The following ARID1B variants were observed in gnomAD, a reference collection of about 807,000 sequenced individuals.
ARID1B encodes AT-rich interaction domain 1B, also known as AT-rich interactive domain-containing protein 1B.
ARID1B carries 30 observed loss-of-function variants against 212.3 expected under a neutral mutation model. The ratio of observed to expected loss-of-function variants is 0.14; its 90% CI spans 0.11 to 0.19. The LOEUF (loss-of-function observed/expected upper bound fraction) is 0.19, where lower values mean the gene tolerates loss of function less well. Among genes scored for constraint, ARID1B ranks in the 10% least tolerant of loss-of-function variants. The pLI, the probability that ARID1B is intolerant of heterozygous loss-of-function variation, is 1.00. For missense variants in ARID1B, 2,891 were observed against 3,204.0 expected (o/e 0.90, Z 2.36); for synonymous variants, 1,402 against 1,301.7 (o/e 1.08, Z -1.66).
At chr6:157,100,629 A>C (rs370515822) in intron 5 of ARID1B, among the ~76,000 whole-genome samples, 2 of 152,218 alleles carry the variant, frequency 1.3e-5, no homozygotes, top group Admixed American at 1.3e-4. Context: ...ATTATCAAAA[A>C]TGTATTTTTC....
chr6:157,197,224 T>C (rs941231081), intron 16 of ARID1B, among the ~76,000 whole-genome samples: 2 of 152,190 alleles, frequency 1.3e-5, no homozygotes, highest in African/African-American at 4.8e-5. Context: ...AGAAAAAAGA[T>C]AGAGGCATAA....
At chr6:156,945,391 C>G (rs1249034376) in intron 4 of ARID1B, among the ~76,000 whole-genome samples, 1 of 151,722 alleles carries the variant, frequency 6.6e-6, no homozygotes, top group East Asian at 1.9e-4. Flanking sequence ...GAGGCAGTGG[C>G]AGAAGCCATG....
intron 1 of ARID1B, among the ~76,000 whole-genome samples, chr6:156,819,039 A>T (rs1338922167): frequency 6.6e-6 from 1 of 152,214 alleles, no homozygotes; most frequent in East Asian, 1.9e-4. Flanking sequence ...CTTTGTGTAC[A>T]GATCCATTAA....
intron 2 of ARID1B, among the ~76,000 whole-genome samples, chr6:156,837,379 T>C (rs1783585551): frequency 6.6e-6 from 1 of 152,218 alleles, no homozygotes; most frequent in African/African-American, 2.4e-5. Flanking sequence ...TTGAACAACA[T>C]TGGGACAGAT....
intron 2 of ARID1B, among the ~76,000 whole-genome samples, chr6:156,880,753 A>AG (rs1355826834): frequency 2.1e-5 from 2 of 95,588 alleles, no homozygotes; most frequent in Non-Finnish European, 4.6e-5. Context: ...AAAAAAAAAA[A>AG]AAAAAAAAAA....
chr6:156,997,442 C>T (rs1167264920), intron 4 of ARID1B, among the ~76,000 whole-genome samples: 8 of 152,278 alleles, frequency 5.3e-5, no homozygotes, highest in South Asian at 2.1e-4. Flanking sequence ...TTCTTTATAT[C>T]GTCACTGTCA....
chr6:157,099,358 C>G (rs1317912580), intron 5 of ARID1B, among the ~76,000 whole-genome samples: 1 of 152,254 alleles, frequency 6.6e-6, no homozygotes, highest in African/African-American at 2.4e-5. Flanking sequence ...TTGCCAGAGA[C>G]TTTTCAGTTT....
Position 157,039,670 on chromosome 6 carries a change from C to CTTCCTTCCTTCCTTCTTTCTTTCTTTCT in ARID1B, c.2248-44977_2248-44976insTTTCTTTCTTTCTTTCCTTCCTTCCTTC, listed in dbSNP as rs1562569175. On this transcript the variant is annotated intron_variant, in intron 4 of 19. Coordinates refer to ENST00000636930, the MANE Select transcript of ARID1B (RefSeq NM_001374828.1). ...CTTTCCTTCCTTCCTTCCTTCCTTC[C>CTTCCTTCCTTCCTTCTTTCTTTCTTTCT]TTCCTTCCTTCCTTCCTTCCTTCCT... is the stretch of plus-strand genomic sequence containing the variant. Among the ~76,000 whole-genome samples, 129 of 55,286 alleles carry CTTCCTTCCTTCCTTCTTTCTTTCTTTCT rather than the reference C, an allele frequency of 2.3e-3. 1 individual carries two copies. Among genetic ancestry groups the CTTCCTTCCTTCCTTCTTTCTTTCTTTCT allele is most frequent in the Non-Finnish European group, 3.1e-3 (94 of 30,708 alleles). 36.3% of individuals were successfully genotyped at this position (55,286 alleles called of 152,430 possible). A position where few individuals can be genotyped will look rare whatever the true frequency, so the allele number is the denominator to read the frequency against.
At chr6:157,076,335 G>A (rs186290583) in intron 4 of ARID1B, among the ~76,000 whole-genome samples, 3 of 151,670 alleles carry the variant, frequency 2.0e-5, no homozygotes, top group Non-Finnish European at 2.9e-5. Flanking sequence ...TCCTCCAGGA[G>A]ATGAGGTCTC....
At chr6:156,887,916 C>G (rs1317969210) in intron 2 of ARID1B, among the ~76,000 whole-genome samples, 1 of 152,198 alleles carries the variant, frequency 6.6e-6, no homozygotes, top group Non-Finnish European at 1.5e-5. Context: ...ACAAGGCTCC[C>G]CTTCCAAATT....
At position 157,209,225 on chromosome 6, in the gene ARID1B, C is replaced by CATAT; in HGVS notation, c.*1336_*1337insATAT. On this transcript the variant is annotated 3_prime_UTR_variant, in exon 20 of 20. Transcript: ENST00000636930. ...CAGTATAAAATCTTTATATGTTCCA[C>CATAT]ATGTTAAGAATAAATGTACATTAAA... 1 of 230,478 alleles carries CATAT rather than the reference C, an allele frequency of 4.3e-6. No homozygotes were observed. The highest frequency in any genetic ancestry group is 6.2e-5 in the East Asian group (1 of 16,126). 14.3% of individuals were successfully genotyped at this position (230,478 alleles called of 1,614,324 possible).
At chr6:157,062,966 A>C (rs1783446409) in intron 4 of ARID1B, among the ~76,000 whole-genome samples, 2 of 151,930 alleles carry the variant, frequency 1.3e-5, no homozygotes, top group Non-Finnish European at 2.9e-5. Flanking sequence ...CAGCCTCCCA[A>C]AGTGCTGGGA....
chr6:156,813,912 C>A (rs1012992306), intron 1 of ARID1B, among the ~76,000 whole-genome samples: 2 of 152,140 alleles, frequency 1.3e-5, no homozygotes, highest in East Asian at 3.9e-4. Flanking sequence ...GCCCTCCAGA[C>A]CCCATCTCAA....
intron 4 of ARID1B, among the ~76,000 whole-genome samples, chr6:157,074,728 G>T (rs916736723): frequency 3.9e-5 from 6 of 152,112 alleles, no homozygotes; most frequent in African/African-American, 1.4e-4. Context: ...ATTTTATGCT[G>T]TCTTTGAGAC....
chr6:157,116,807 A>G (rs1787347952), intron 6 of ARID1B, among the ~76,000 whole-genome samples: 1 of 152,172 alleles, frequency 6.6e-6, no homozygotes, highest in East Asian at 1.9e-4. Flanking sequence ...CTACACAAGG[A>G]CTGGCTTTTC....
At chr6:157,058,096 C>T (rs1262261968) in intron 4 of ARID1B, among the ~76,000 whole-genome samples, 1 of 152,200 alleles carries the variant, frequency 6.6e-6, no homozygotes, top group East Asian at 1.9e-4. Context: ...CTTCCATGCA[C>T]ACCGAAGTCA....
In ARID1B at chr6:156,935,565, T is replaced by A. The variant is rs2128275212; in HGVS notation, c.2236T>A (p.Ser746Thr). 1 of 1,609,566 alleles carries A rather than the reference T, an allele frequency of 6.2e-7. No homozygotes were observed. ...GAACTTAATACAGCAAGAAAGACCA[T>A]CAAGTTTACCAGTAAGACATTATTG... Reference protein sequence around the residue: ...DLNLIQQERPSSLPDLSGSID... With the variant: ...DLNLIQQERPTSLPDLSGSID... Residue 746 changes from serine (S) to threonine (T), a missense_variant, in exon 4 of 20, where the codon TCA (serine) becomes ACA (threonine). Ser to Thr is a moderately conservative substitution (Grantham distance 58, BLOSUM62 1). Around this residue, in one of 7 missense-constraint regions of ARID1B, gnomAD observed 1,643 missense variants for 1,544.0 expected, o/e 1.06. Coordinates refer to ENST00000636930, the MANE Select transcript of ARID1B (RefSeq NM_001374828.1).
At chr6:157,114,973 T>C (rs1787227748) in intron 6 of ARID1B, among the ~76,000 whole-genome samples, 1 of 152,210 alleles carries the variant, frequency 6.6e-6, no homozygotes, top group African/African-American at 2.4e-5. Flanking sequence ...TGTGTTCCCG[T>C]TCAGGAAGAG....
Position 157,201,013 on chromosome 6 carries a change from T to C in ARID1B, c.4788T>C (p.Tyr1596=). The change falls in exon 18 of 20, where the codon TAT becomes TAC. Residue 1596 remains tyrosine, a synonymous_variant. Coordinates refer to ENST00000636930, the MANE Select transcript of ARID1B (RefSeq NM_001374828.1). The surrounding 1 kb of genome is among the most constrained non-coding windows in gnomAD (Gnocchi z 5.2). ...NMWAARNDMP[Y]PYQNRQGPGG... is the part of the protein sequence containing the mutation. ...GGGCAGCACGCAATGATATGCCTTA[T>C]CCCTACCAGAACAGGCAGGGCCCTG... The C allele has an allele frequency of 6.2e-7, 1 of 1,613,970 alleles. No homozygotes were observed. Among genetic ancestry groups the C allele is most frequent in the Non-Finnish European group, 8.5e-7 (1 of 1,179,888 alleles).
Sources: gnomAD v4.1 joint callset for allele counts (sites outside exome capture counted in the v4.1 genomes callset) on GRCh38, gnomAD v4.1.1 for gene constraint, gnomAD v4.1.1 regional missense constraint, Gnocchi (gnomAD v3.1) non-coding constraint, MANE v1.5 for transcripts, NCBI Gene and HGNC (gene_info 2026-07-23, HGNC 2026-07-21) for gene names.